The following KCNB2 variants were observed in gnomAD, a reference collection of about 807,000 sequenced individuals.
The protein encoded by KCNB2 is delayed rectifier potassium channel protein.
In KCNB2, 15 loss-of-function variants were observed where a neutral mutation model predicts 61.5. The observed-to-expected ratio is 0.24, with a 90% CI of 0.16 to 0.38. The LOEUF is 0.38. Among genes scored for constraint, KCNB2 ranks in the 10% least tolerant of loss-of-function variants. KCNB2 has a pLI of 1.00. For missense variants in KCNB2, 828 were observed against 1,125.2 expected (o/e 0.74, Z 3.78); for synonymous variants, 457 against 446.0 (o/e 1.02, Z -0.31).
At chr8:72,617,262 C>T (rs1805634184) in intron 2 of KCNB2, among the ~76,000 whole-genome samples, 1 of 152,128 alleles carries the variant, frequency 6.6e-6, no homozygotes, top group Non-Finnish European at 1.5e-5. Flanking sequence ...TAGTTTCCCA[C>T]CTGGTGTCTG....
rs187201379 is a variant in KCNB2 at position 72,646,366 on chromosome 8, C to T, written c.579+78053C>T. ...ATATTTTTTTCTAAAGTTCTTATAT[C>T]TTGTGGGTGAATATAGTGATTGTCC... On this transcript the variant is annotated intron_variant, in intron 2 of 2. Coordinates refer to ENST00000523207, the MANE Select transcript of KCNB2 (RefSeq NM_004770.3). 5.2e-3 allele frequency among the ~76,000 whole-genome samples: 784 copies of T among 152,066 alleles called. 7 individuals are homozygous for T. The highest frequency in any genetic ancestry group is 0.018 in the African/African-American group (753 of 41,486).
chr8:72,795,834 T>C (rs1809023181), intron 2 of KCNB2, among the ~76,000 whole-genome samples: 1 of 152,214 alleles, frequency 6.6e-6, no homozygotes, highest in Admixed American at 6.5e-5. Flanking sequence ...CCTGTTATTC[T>C]TCATACAGCA....
At chr8:72,638,485 A>G (rs771472981) in intron 2 of KCNB2, among the ~76,000 whole-genome samples, 18 of 152,182 alleles carry the variant, frequency 1.2e-4, no homozygotes, top group Non-Finnish European at 1.9e-4. Context: ...TGTTCTTCAC[A>G]GTTGAAGGTA....
chr8:72,623,085 C>A (rs988396637), intron 2 of KCNB2, among the ~76,000 whole-genome samples: 5 of 152,162 alleles, frequency 3.3e-5, no homozygotes, highest in African/African-American at 9.7e-5. Flanking sequence ...TCTTCATTGA[C>A]TGAGTGTTAA....
intron 2 of KCNB2, among the ~76,000 whole-genome samples, chr8:72,634,017 T>C (rs1805928004): frequency 6.6e-6 from 1 of 152,186 alleles, no homozygotes; most frequent in African/African-American, 2.4e-5. Flanking sequence ...AATACATCCA[T>C]TTTCATGACT....
intron 2 of KCNB2, among the ~76,000 whole-genome samples, chr8:72,654,595 A>G (rs537515455): frequency 2.0e-5 from 3 of 152,320 alleles, no homozygotes; most frequent in African/African-American, 7.2e-5. Context: ...ATAAAATGAT[A>G]GGTACATGGG....
At chr8:72,785,918 A>G (rs949319425) in intron 2 of KCNB2, among the ~76,000 whole-genome samples, 3 of 152,080 alleles carry the variant, frequency 2.0e-5, no homozygotes, top group African/African-American at 7.2e-5. Context: ...CAGCATACTG[A>G]AAAGGCCAAT....
intron 2 of KCNB2, among the ~76,000 whole-genome samples, chr8:72,886,759 T>C (rs1170023513): frequency 6.6e-6 from 1 of 152,228 alleles, no homozygotes; most frequent in Non-Finnish European, 1.5e-5. Flanking sequence ...ATAGTAGCGA[T>C]TTAAACAGAT....
intron 2 of KCNB2, among the ~76,000 whole-genome samples, chr8:72,780,527 T>C (rs1808735731): frequency 6.6e-6 from 1 of 152,150 alleles, no homozygotes; most frequent in African/African-American, 2.4e-5. Flanking sequence ...ATTAACAAAT[T>C]CTTATTTTTT....
chr8:72,576,203 A>G (rs1475791339), intron 2 of KCNB2, among the ~76,000 whole-genome samples: 6 of 152,200 alleles, frequency 3.9e-5, no homozygotes, highest in African/African-American at 1.4e-4. Flanking sequence ...GTTTGATTCT[A>G]TTTGAGAATA....
chr8:72,569,786 T>A (rs1372515833), intron 2 of KCNB2, among the ~76,000 whole-genome samples: 1 of 152,150 alleles, frequency 6.6e-6, no homozygotes, highest in Non-Finnish European at 1.5e-5. Context: ...AAGTGAGTAT[T>A]GTGGGTGTTA....
At chr8:72,616,543 T>A (rs541504603) in intron 2 of KCNB2, among the ~76,000 whole-genome samples, 4 of 152,234 alleles carry the variant, frequency 2.6e-5, no homozygotes, top group African/African-American at 9.6e-5. Context: ...TTCTAAGGGT[T>A]CATCAAACTA....
At chr8:72,547,503 C>T (rs1806276477) in intron 1 of KCNB2, among the ~76,000 whole-genome samples, 1 of 152,072 alleles carries the variant, frequency 6.6e-6, no homozygotes, top group South Asian at 2.1e-4. Context: ...AAAATATCAA[C>T]ATTAACAGGA....
intron 2 of KCNB2, among the ~76,000 whole-genome samples, chr8:72,760,163 G>T (rs1017866296): frequency 2.6e-4 from 39 of 152,280 alleles, no homozygotes; most frequent in African/African-American, 9.1e-4. Context: ...TACAGATTTG[G>T]AGCCAGATCA....
At chr8:72,625,192 T>A (rs868564106) in intron 2 of KCNB2, among the ~76,000 whole-genome samples, 6 of 152,168 alleles carry the variant, frequency 3.9e-5, no homozygotes, top group African/African-American at 1.4e-4. Flanking sequence ...TTTGTGGTAA[T>A]TTGTTATATA....
intron 2 of KCNB2, among the ~76,000 whole-genome samples, chr8:72,797,027 TTCTA>T (rs1342376367): frequency 6.6e-6 from 1 of 152,154 alleles, no homozygotes; most frequent in Non-Finnish European, 1.5e-5. Flanking sequence ...TTACAAATAA[TTCTA>T]TTTATTTGAG....
At chr8:72,821,264 A>G (rs1370460337) in intron 2 of KCNB2, among the ~76,000 whole-genome samples, 1 of 152,078 alleles carries the variant, frequency 6.6e-6, no homozygotes, top group African/African-American at 2.4e-5. Context: ...GCTTTTTAAA[A>G]CTGTTAAATA....
At chr8:72,908,586 A>C (rs1035996050) in intron 2 of KCNB2, among the ~76,000 whole-genome samples, 1 of 152,338 alleles carries the variant, frequency 6.6e-6, no homozygotes, top group East Asian at 1.9e-4. Context: ...GGGCAGGGAA[A>C]GTAGATGAGA....
Position 72,937,495 on chromosome 8 carries a change from T to A in KCNB2, c.2140T>A (p.Ser714Thr), listed in dbSNP as rs1414604179. ...LKGSNPLKSRSLKVNFKENRG... is the reference protein window; with the variant it reads ...LKGSNPLKSRTLKVNFKENRG... ...AGGCAGCAACCCACTAAAGTCCAGA[T>A]CCCTCAAAGTGAACTTTAAGGAAAA... Residue 714 changes from serine to threonine, a missense_variant, in exon 3 of 3, where the codon TCC becomes ACC. Ser to Thr is a moderately conservative substitution (Grantham distance 58). Transcript: ENST00000523207. 1.2e-6 allele frequency: 2 copies of A among 1,613,424 alleles called. No homozygotes were observed. The highest frequency in any genetic ancestry group is 2.2e-5 in the South Asian group (2 of 91,004).
Sources: allele counts gnomAD v4.1 joint callset (sites outside exome capture counted in the v4.1 genomes callset), GRCh38; gene constraint gnomAD v4.1.1; transcripts MANE v1.5; gene names NCBI Gene and HGNC (gene_info 2026-07-23, HGNC 2026-07-21).